Variants in CGGBP1 observed in about 807,000 individuals in gnomAD.
CGGBP1 encodes CGG triplet repeat binding protein 1, also known as CGG triplet repeat-binding protein 1.
CGGBP1 carries 4 observed loss-of-function variants against 11.4 expected under a neutral mutation model. That is an observed-to-expected ratio of 0.35 (90% CI 0.17 to 0.80). CGGBP1 has a LOEUF of 0.80. CGGBP1 is among the 30% of genes least tolerant of loss of function. The pLI is 0.52. For missense variants in CGGBP1, 135 were observed against 202.1 expected (o/e 0.67, Z 2.01); for synonymous variants, 76 against 74.1 (o/e 1.03, Z -0.13).
At chr3:88,083,515 C>T (rs1412236695) in intron 2 of CGGBP1, among the ~76,000 whole-genome samples, 3 of 152,148 alleles carry the variant, frequency 2.0e-5, no homozygotes, top group African/African-American at 7.2e-5. Context: ...TATATCATAG[C>T]GTGCTTCTGG....
upstream of CGGBP1, chr3:88,059,541 G>C (rs1439227363): frequency 6.9e-7 from 1 of 1,456,896 alleles, no homozygotes; most frequent in Non-Finnish European, 9.0e-7. Context: ...CTTGTCACCC[G>C]GGTCCTGGGC....
intron 2 of CGGBP1, chr3:88,057,502 C>T (rs1317156203): frequency 6.6e-6 from 1 of 152,114 alleles, no homozygotes; most frequent in African/African-American, 2.4e-5. Context: ...CCTCACAAAT[C>T]AGTACCAATT....
intron 2 of CGGBP1, among the ~76,000 whole-genome samples, chr3:88,067,544 G>A (rs1576189835): frequency 6.6e-6 from 1 of 152,328 alleles, no homozygotes; most frequent in East Asian, 1.9e-4. Flanking sequence ...CAGTAGGAAA[G>A]GATGAGTCTT....
chr3:88,104,192 G>A (rs1704603001), intron 2 of CGGBP1, among the ~76,000 whole-genome samples: 1 of 152,202 alleles, frequency 6.6e-6, no homozygotes. Flanking sequence ...AGCACCAGAT[G>A]CTGGACAGAA....
chr3:88,126,077 A>C (rs1706083106), intron 2 of CGGBP1: 6 of 1,376,610 alleles, frequency 4.4e-6, no homozygotes, highest in Non-Finnish European at 5.7e-6. Context: ...AATGATGATC[A>C]AGTTTAGTTT....
intron 1 of CGGBP1, among the ~76,000 whole-genome samples, chr3:88,146,198 G>A (rs1452107998): frequency 1.3e-5 from 2 of 152,182 alleles, no homozygotes; most frequent in Non-Finnish European, 2.9e-5. Flanking sequence ...GAGGCCATCT[G>A]GCTTAACAAA....
At chr3:88,077,306 A>G (rs967739436) in intron 2 of CGGBP1, among the ~76,000 whole-genome samples, 2 of 152,108 alleles carry the variant, frequency 1.3e-5, no homozygotes, top group Non-Finnish European at 2.9e-5. Flanking sequence ...GTAGTTACAA[A>G]AAAGAGAAAA....
Position 88,109,142 on chromosome 3 carries a change from A to AGTGTGTGTGTGTGT in CGGBP1, c.-229+31814_-229+31827dup, listed in dbSNP as rs35595112. On this transcript the variant is annotated intron_variant, in intron 2 of 3. Transcript: ENST00000462901. Reference sequence around the variant, plus strand: ...TATCCCCTGTGGATAAGTGGGCACTAGTGTGTGTGTGTGTGTGTGTGTGTG... The same window carrying AGTGTGTGTGTGTGT: ...TATCCCCTGTGGATAAGTGGGCACTAGTGTGTGTGTGTGTGTGTGTGTGTGTGTGTGTGTGTGTG... Among the ~76,000 whole-genome samples, 1,190 of 142,494 alleles carry AGTGTGTGTGTGTGT rather than the reference A, an allele frequency of 8.4e-3. 7 individuals are homozygous for AGTGTGTGTGTGTGT. Among genetic ancestry groups the AGTGTGTGTGTGTGT allele is most frequent in the Non-Finnish European group, 0.012 (799 of 65,298 alleles). 93.5% of individuals were successfully genotyped at this position (142,494 alleles called of 152,430 possible).
chr3:88,121,277 T>G (rs1705753638), intron 2 of CGGBP1, among the ~76,000 whole-genome samples: 1 of 152,158 alleles, frequency 6.6e-6, no homozygotes, highest in Non-Finnish European at 1.5e-5. Context: ...AACAATGAAT[T>G]AAAAACTCAT....
intron 1 of CGGBP1, among the ~76,000 whole-genome samples, chr3:88,146,336 T>G (rs1707311710): frequency 6.6e-6 from 1 of 152,162 alleles, no homozygotes; most frequent in African/African-American, 2.4e-5. Context: ...AAAAATTAGT[T>G]GCCAAGACAT....
intron 2 of CGGBP1, among the ~76,000 whole-genome samples, chr3:88,128,271 G>C (rs1250021284): frequency 3.3e-5 from 5 of 151,978 alleles, no homozygotes; most frequent in Non-Finnish European, 5.9e-5. Flanking sequence ...TTAATAAGCA[G>C]TCCTATTTGG....
intron 2 of CGGBP1, among the ~76,000 whole-genome samples, chr3:88,112,225 TC>T (rs1384613206): frequency 2.0e-5 from 3 of 151,744 alleles, no homozygotes; most frequent in Non-Finnish European, 3.0e-5. Context: ...GCATATATAT[TC>T]TCATGTTTAC....
chr3:88,140,536 T>C, intron 2 of CGGBP1: 1 of 1,613,756 alleles, frequency 6.2e-7, no homozygotes, highest in Non-Finnish European at 8.5e-7. Flanking sequence ...ATAAGCTTGA[T>C]AGACCAAAAG....
intron 2 of CGGBP1, chr3:88,095,637 C>A: frequency 3.9e-6 from 2 of 506,394 alleles, no homozygotes; most frequent in Admixed American, 2.1e-5. Flanking sequence ...CTCGAAGCCC[C>A]AAGCAATATC....
chr3:88,136,753 C>G (rs1706810574), intron 2 of CGGBP1, among the ~76,000 whole-genome samples: 1 of 152,108 alleles, frequency 6.6e-6, no homozygotes. Flanking sequence ...TGCAACAGTT[C>G]ATTCATTTCA....
chr3:88,104,589 A>C (rs2107731644), intron 2 of CGGBP1, among the ~76,000 whole-genome samples: 1 of 152,384 alleles, frequency 6.6e-6, no homozygotes, highest in East Asian at 1.9e-4. Flanking sequence ...TGACAAAAAT[A>C]GTACATAGGT....
chr3:88,120,705 C>CT (rs1295469160), intron 2 of CGGBP1, among the ~76,000 whole-genome samples: 1 of 152,122 alleles, frequency 6.6e-6, no homozygotes, highest in Non-Finnish European at 1.5e-5. Flanking sequence ...GCGTATATTA[C>CT]TTACGCACAT....
chr3:88,134,888 C>T (rs1233220098), intron 2 of CGGBP1, among the ~76,000 whole-genome samples: 3 of 152,114 alleles, frequency 2.0e-5, no homozygotes, highest in South Asian at 4.1e-4. Flanking sequence ...TTCTTCCTCT[C>T]CCAACTTGTT....
rs533108901 is a variant in CGGBP1, at chr3:88,086,931, C to T, written c.-228-28708G>A. Reference sequence around the variant, plus strand: ...CCAAGTAGCTGGGACTACAGGCGCCCGCCACCACGCCTGGCTAATTTTTTG... The same window carrying T: ...CCAAGTAGCTGGGACTACAGGCGCCTGCCACCACGCCTGGCTAATTTTTTG... On this transcript the variant is annotated intron_variant, in intron 2 of 3. Coordinates refer to the CGGBP1 transcript ENST00000462901. 1.0e-3 allele frequency among the ~76,000 whole-genome samples: 158 copies of T among 152,110 alleles called. 1 individual carries two copies. The highest frequency in any genetic ancestry group is 2.7e-3 in the African/African-American group (113 of 41,512).
Sources: allele counts gnomAD v4.1 joint callset (sites outside exome capture counted in the v4.1 genomes callset), GRCh38; gene constraint gnomAD v4.1.1; transcripts MANE v1.5; gene names NCBI Gene and HGNC (gene_info 2026-07-23, HGNC 2026-07-21).